The following NELL2 variants were observed in gnomAD, a reference collection of about 807,000 sequenced individuals.
NELL2 encodes the protein protein kinase C-binding protein NELL2.
NELL2 carries 41 observed loss-of-function variants against 109.6 expected under a neutral mutation model. The observed-to-expected ratio is 0.37, with a 90% confidence interval of 0.29 to 0.49. The LOEUF is 0.49. Among genes scored for constraint, NELL2 ranks in the 20% least tolerant of loss-of-function variants. The pLI is 0.98. For synonymous variants in NELL2, 355 were observed against 344.7 expected, an observed-to-expected ratio of 1.03 and a Z score of -0.33; for missense variants, 900 against 1,008.3, an observed-to-expected ratio of 0.89 and a Z score of 1.45.
At chr12:44,730,605 T>C (rs56969773) in intron 9 of NELL2, among the ~76,000 whole-genome samples, 11,434 of 151,940 alleles carry the variant, frequency 0.075, 1,394 homozygotes, top group African/African-American at 0.26. Context: ...AAACATCACA[T>C]AATACAATTG....
At chr12:44,706,360 T>C (rs1937877742) in intron 11 of NELL2, among the ~76,000 whole-genome samples, 1 of 152,206 alleles carries the variant, frequency 6.6e-6, no homozygotes, top group Non-Finnish European at 1.5e-5. Context: ...AAATTCAGAC[T>C]TGATTTCGAG....
intron 2 of NELL2, among the ~76,000 whole-genome samples, chr12:44,818,046 T>C (rs1368422217): frequency 6.8e-6 from 1 of 147,788 alleles, no homozygotes; most frequent in East Asian, 1.9e-4. Flanking sequence ...AACATTCCCA[T>C]TCAACATTCA....
chr12:44,600,954 C>T (rs1169739505), intron 15 of NELL2, among the ~76,000 whole-genome samples: 1 of 151,806 alleles, frequency 6.6e-6, no homozygotes, highest in Non-Finnish European at 1.5e-5. Context: ...CTCCATTTGG[C>T]TAGTTTCAAA....
chr12:44,817,965 G>C (rs940731815), intron 2 of NELL2, among the ~76,000 whole-genome samples: 1 of 152,140 alleles, frequency 6.6e-6, no homozygotes, highest in African/African-American at 2.4e-5. Context: ...CCAAGTTAAC[G>C]AAGTCAGACT....
intron 1 of NELL2, among the ~76,000 whole-genome samples, chr12:44,898,113 G>A (rs1050506961): frequency 1.3e-5 from 2 of 152,122 alleles, no homozygotes; most frequent in Non-Finnish European, 2.9e-5. Context: ...TCTAGTCAGG[G>A]GCTTATAGAA....
At chr12:44,682,378 C>T (rs1458692250) in intron 12 of NELL2, among the ~76,000 whole-genome samples, 4 of 151,478 alleles carry the variant, frequency 2.6e-5, no homozygotes, top group Non-Finnish European at 5.9e-5. Context: ...TGCCTGTTCA[C>T]TCTGATGGTG....
At chr12:44,759,518 A>G (rs1179876335) in intron 9 of NELL2, among the ~76,000 whole-genome samples, 2 of 152,202 alleles carry the variant, frequency 1.3e-5, no homozygotes, top group Non-Finnish European at 2.9e-5. Context: ...TAAACCAACC[A>G]TCTGAACTGA....
At chr12:44,902,810 C>T (rs987797668) in intron 1 of NELL2, among the ~76,000 whole-genome samples, 16 of 152,256 alleles carry the variant, frequency 1.1e-4, no homozygotes, top group African/African-American at 3.6e-4. Flanking sequence ...GGAAAGGATT[C>T]CCTATAAAAT....
chr12:44,608,068 T>C (rs905437078), intron 14 of NELL2, among the ~76,000 whole-genome samples: 8 of 152,056 alleles, frequency 5.3e-5, no homozygotes, highest in South Asian at 2.1e-4. Flanking sequence ...AAAAACAAGA[T>C]GGATGAGACT....
intron 1 of NELL2, among the ~76,000 whole-genome samples, chr12:44,889,777 A>G (rs550799664): frequency 3.4e-4 from 52 of 152,208 alleles, no homozygotes; most frequent in Non-Finnish European, 1.2e-4. Flanking sequence ...TGCCTCTGCT[A>G]CCGTCAAAAA....
intron 3 of NELL2, among the ~76,000 whole-genome samples, chr12:44,803,877 A>G (rs917351582): frequency 1.3e-5 from 2 of 152,006 alleles, no homozygotes; most frequent in African/African-American, 4.8e-5. Context: ...GCTAGTTTTC[A>G]GATGTTATAT....
rs190601872 is a variant in NELL2, at chr12:44,755,538, C to A, written c.994+19209G>T. Among the ~76,000 whole-genome samples the A allele has an allele frequency of 7.3e-3, 1,112 of 152,050 alleles. 9 individuals carry two copies. Among genetic ancestry groups the A allele is most frequent in the African/African-American group, 0.021 (869 of 41,500 alleles). ...CCTGGCCTTTTTACTCCTTGGCTCTCCCCTCACCTCCACTTTACCTGTATA... is the reference window on the plus strand; with the variant it reads ...CCTGGCCTTTTTACTCCTTGGCTCTACCCTCACCTCCACTTTACCTGTATA... On this transcript the variant is annotated intron_variant, in intron 9 of 19. Coordinates refer to ENST00000429094, the MANE Select transcript of NELL2 (RefSeq NM_001145108.2).
At position 44,827,516 on chromosome 12, in the gene NELL2, T is replaced by A. The variant is rs541345650; in HGVS notation, c.185-11380A>T. Among the ~76,000 whole-genome samples, 4 of 150,526 alleles carry A rather than the reference T, an allele frequency of 2.7e-5. No homozygotes were observed. The East Asian group carries it at 6.0e-4, about 23-fold the overall frequency. On this transcript the variant is annotated intron_variant, in intron 2 of 19. Coordinates refer to ENST00000429094, the MANE Select transcript of NELL2 (RefSeq NM_001145108.2). ...CTGGTAAGCATCCTTCTACTCTCTA[T>A]CTCCATGAGTTCAATTATTTTAATT...
chr12:44,799,676 G>T (rs769963649), intron 3 of NELL2, among the ~76,000 whole-genome samples: 26 of 152,066 alleles, frequency 1.7e-4, no homozygotes, highest in Non-Finnish European at 2.8e-4. Context: ...TTAAATATAA[G>T]TACTAGTGGT....
intron 13 of NELL2, among the ~76,000 whole-genome samples, chr12:44,612,497 G>A (rs1297251399): frequency 6.6e-6 from 1 of 151,506 alleles, no homozygotes; most frequent in South Asian, 2.1e-4. Context: ...TAGTATCACA[G>A]AACATTTCAT....
chr12:44,618,762 C>T (rs1376285084), intron 13 of NELL2, among the ~76,000 whole-genome samples: 1 of 152,024 alleles, frequency 6.6e-6, no homozygotes, highest in Non-Finnish European at 1.5e-5. Flanking sequence ...TTGTTTAGTG[C>T]CATAACAAAG....
intron 2 of NELL2, among the ~76,000 whole-genome samples, chr12:44,834,141 G>A (rs1031443318): frequency 6.6e-6 from 1 of 151,912 alleles, no homozygotes; most frequent in African/African-American, 2.4e-5. Context: ...TTCTAATTTA[G>A]GAAATTAGGC....
At chr12:44,756,307 CCTT>C (rs1027281028) in intron 9 of NELL2, among the ~76,000 whole-genome samples, 9 of 152,052 alleles carry the variant, frequency 5.9e-5, no homozygotes, top group East Asian at 3.9e-4. Flanking sequence ...TTCTCTCTCT[CCTT>C]ATCTCTCATT....
chr12:44,705,352 A>C (rs1187584146), intron 11 of NELL2, among the ~76,000 whole-genome samples: 1 of 152,188 alleles, frequency 6.6e-6, no homozygotes, highest in African/African-American at 2.4e-5. Context: ...AAAATAAAAT[A>C]AAATCGAACA....
Sources: allele counts gnomAD v4.1 joint callset (sites outside exome capture counted in the v4.1 genomes callset), GRCh38; gene constraint gnomAD v4.1.1; transcripts MANE v1.5; gene names NCBI Gene and HGNC (gene_info 2026-07-23, HGNC 2026-07-21).